Variants in PPFIA2 observed in about 807,000 individuals in gnomAD.
PPFIA2 encodes liprin-alpha-2.
In PPFIA2, 46 loss-of-function variants were observed where a neutral mutation model predicts 175.5. The ratio of observed to expected loss-of-function variants is 0.26; its 90% CI spans 0.21 to 0.34. The LOEUF (loss-of-function observed/expected upper bound fraction) is 0.34. PPFIA2 is among the 10% of genes least tolerant of loss of function. PPFIA2 has a pLI of 1.00. For synonymous variants in PPFIA2, 568 were observed against 511.4 expected (o/e 1.11, Z -1.49); for missense variants, 1,179 against 1,506.1 (o/e 0.78, Z 3.60).
intron 17 of PPFIA2, among the ~76,000 whole-genome samples, chr12:81,349,219 C>G (rs1314576752): frequency 6.6e-6 from 1 of 152,050 alleles, no homozygotes; most frequent in Non-Finnish European, 1.5e-5. Flanking sequence ...GCTGGCCAGG[C>G]AGAAAGTACT....
intron 4 of PPFIA2, among the ~76,000 whole-genome samples, chr12:81,484,009 A>C (rs146543211): frequency 1.8e-3 from 274 of 151,938 alleles, no homozygotes; most frequent in Non-Finnish European, 3.5e-3. Context: ...AATCACTTTT[A>C]AAATGTCCTA....
At chr12:81,608,393 G>T (rs2060549842) in intron 4 of PPFIA2, among the ~76,000 whole-genome samples, 1 of 151,998 alleles carries the variant, frequency 6.6e-6, no homozygotes, top group South Asian at 2.1e-4. Context: ...TTATAGATCT[G>T]GTAAAATTCA....
intron 4 of PPFIA2, among the ~76,000 whole-genome samples, chr12:81,601,543 G>A (rs1021398778): frequency 1.3e-5 from 2 of 151,764 alleles, no homozygotes; most frequent in Non-Finnish European, 2.9e-5. Flanking sequence ...TTTAACTCAT[G>A]TTAACTGCCT....
intron 3 of PPFIA2, among the ~76,000 whole-genome samples, chr12:81,734,509 T>C (rs1462476321): frequency 6.6e-6 from 1 of 151,770 alleles, no homozygotes; most frequent in Non-Finnish European, 1.5e-5. Flanking sequence ...ATTAGCATTT[T>C]ACAAATGTAA....
chr12:81,374,083 T>C (rs1400806785), intron 11 of PPFIA2, among the ~76,000 whole-genome samples: 1 of 152,072 alleles, frequency 6.6e-6, no homozygotes, highest in Non-Finnish European at 1.5e-5. Context: ...GGCCATATTA[T>C]ACAGAAAATT....
At chr12:81,737,670 C>G (rs1022513113) in intron 3 of PPFIA2, among the ~76,000 whole-genome samples, 3 of 149,398 alleles carry the variant, frequency 2.0e-5, no homozygotes, top group African/African-American at 7.3e-5. Context: ...AACTGTTAAA[C>G]AAAATTAAAA....
intron 5 of PPFIA2, among the ~76,000 whole-genome samples, chr12:81,455,547 T>G (rs1698461914): frequency 6.6e-6 from 1 of 152,328 alleles, no homozygotes; most frequent in African/African-American, 2.4e-5. Context: ...AATAGGTACT[T>G]CACATGTGGC....
intron 4 of PPFIA2, among the ~76,000 whole-genome samples, chr12:81,641,278 C>T (rs1042579422): frequency 2.0e-5 from 3 of 152,130 alleles, no homozygotes; most frequent in African/African-American, 7.2e-5. Flanking sequence ...CTAGGCTTTT[C>T]TCCCTTTGTC....
intron 3 of PPFIA2, among the ~76,000 whole-genome samples, chr12:81,746,858 G>A (rs188305066): frequency 7.0e-6 from 1 of 143,420 alleles, no homozygotes; most frequent in Admixed American, 7.4e-5. Flanking sequence ...GAGCATTGAA[G>A]GACAACATAC....
At chr12:81,350,782 A>G (rs1322866133) in intron 17 of PPFIA2, among the ~76,000 whole-genome samples, 1 of 148,208 alleles carries the variant, frequency 6.7e-6, no homozygotes, top group Non-Finnish European at 1.5e-5. Flanking sequence ...CTACAAAGAA[A>G]CCAGATAGTA....
At chr12:81,606,660 GTTAT>G (rs2060354805) in intron 4 of PPFIA2, among the ~76,000 whole-genome samples, 1 of 151,950 alleles carries the variant, frequency 6.6e-6, no homozygotes, top group South Asian at 2.1e-4. Flanking sequence ...TTTTAATGAG[GTTAT>G]TTGTTTTTTG....
intron 3 of PPFIA2, among the ~76,000 whole-genome samples, chr12:81,702,824 T>C (rs2076657479): frequency 6.6e-6 from 1 of 152,078 alleles, no homozygotes. Context: ...GCCCCTATTA[T>C]CAAACTAGTG....
At chr12:81,485,607 C>A (rs2146863576) in intron 4 of PPFIA2, among the ~76,000 whole-genome samples, 1 of 151,812 alleles carries the variant, frequency 6.6e-6, no homozygotes, top group South Asian at 2.1e-4. Flanking sequence ...ATGTTGTGTG[C>A]TAGAACACAA....
intron 5 of PPFIA2, among the ~76,000 whole-genome samples, chr12:81,456,962 T>C (rs1442204056): frequency 6.6e-6 from 1 of 150,604 alleles, no homozygotes; most frequent in African/African-American, 2.4e-5. Context: ...TTTTTTTCAG[T>C]TTTTTTTTCT....
At chr12:81,537,235 A>G (rs938502226) in intron 4 of PPFIA2, among the ~76,000 whole-genome samples, 6 of 151,802 alleles carry the variant, frequency 4.0e-5, no homozygotes, top group Admixed American at 4.0e-4. Flanking sequence ...TTCTGCTGGG[A>G]CAATTATGTA....
rs1430246163 is a variant in PPFIA2 at position 81,325,814 on chromosome 12, C to T, written c.2605G>A (p.Gly869Arg). Residue 869 changes from glycine to arginine, a missense_variant, in exon 22 of 33, where the codon GGA becomes AGA. Gly to Arg is a moderately radical substitution (Grantham distance 125). Coordinates refer to ENST00000549396, the MANE Select transcript of PPFIA2 (RefSeq NM_003625.5). ...AQESLGLGKL[G>R]TQAEKDRRLK... Reference sequence around the variant, plus strand: ...CTTCGATCCTTCTCAGCTTGAGTTCCGAGTTTGCCTAACCCCAGGGACTCC... The same window carrying T: ...CTTCGATCCTTCTCAGCTTGAGTTCTGAGTTTGCCTAACCCCAGGGACTCC... The T allele has an allele frequency of 9.9e-6, 16 of 1,612,726 alleles. No individual in the cohort carries two copies. The highest frequency in any genetic ancestry group is 1.3e-5 in the African/African-American group (1 of 74,962).
chr12:81,643,284 C>T (rs940456998), intron 4 of PPFIA2, among the ~76,000 whole-genome samples: 2 of 151,576 alleles, frequency 1.3e-5, no homozygotes, highest in African/African-American at 4.8e-5. Context: ...CAATAGACAT[C>T]AAGAAACTGA....
intron 4 of PPFIA2, among the ~76,000 whole-genome samples, chr12:81,572,057 T>C (rs928407457): frequency 1.3e-5 from 2 of 152,078 alleles, no homozygotes; most frequent in African/African-American, 2.4e-5. Context: ...ATAACAGATA[T>C]GCAGATCTGT....
chr12:81,665,997 A>C (rs28651824), intron 4 of PPFIA2, among the ~76,000 whole-genome samples: 1 of 152,008 alleles, frequency 6.6e-6, no homozygotes, highest in Non-Finnish European at 1.5e-5. Context: ...GCAGCCAAAA[A>C]ACACATGAAA....
Sources: gnomAD v4.1 joint callset for allele counts (sites outside exome capture counted in the v4.1 genomes callset) on GRCh38, gnomAD v4.1.1 for gene constraint, MANE v1.5 for transcripts, NCBI Gene and HGNC (gene_info 2026-07-23, HGNC 2026-07-21) for gene names.